The following SLC44A3 variants were observed in gnomAD, a reference collection of about 807,000 sequenced individuals.
SLC44A3 encodes the protein choline transporter-like protein 3.
In SLC44A3, 74 loss-of-function variants were observed where a neutral mutation model predicts 75.4. The ratio of observed to expected loss-of-function variants is 0.98; its 90% CI spans 0.81 to 1.19. The LOEUF is 1.19. SLC44A3 is among the 50% of genes most tolerant of loss of function. The pLI is 0.00. For missense variants in SLC44A3, 700 were observed against 778.6 expected (o/e 0.90, Z 1.20); for synonymous variants, 310 against 296.9 (o/e 1.04, Z -0.45).
intron 12 of SLC44A3, among the ~76,000 whole-genome samples, chr1:94,886,875 T>A (rs1402881368): frequency 6.6e-6 from 1 of 152,096 alleles, no homozygotes; most frequent in East Asian, 1.9e-4. Context: ...AATGCCAACT[T>A]GGGAATCCTT....
At chr1:94,892,164 C>A in intron 13 of SLC44A3, 117 bp from the exon 14 acceptor site, 1 of 933,130 alleles carries the variant, frequency 1.1e-6, no homozygotes, top group Non-Finnish European at 1.7e-6. Context: ...GCATTCTTTA[C>A]AATAGTGCAC....
intron 8 of SLC44A3, among the ~76,000 whole-genome samples, chr1:94,842,647 G>A (rs1217835903): frequency 6.6e-6 from 1 of 152,260 alleles, no homozygotes; most frequent in Non-Finnish European, 1.5e-5. Flanking sequence ...TACTGGTGGT[G>A]GGTGGTTGGC....
At chr1:94,847,093 A>G (rs922762767) in intron 9 of SLC44A3, among the ~76,000 whole-genome samples, 1 of 152,256 alleles carries the variant, frequency 6.6e-6, no homozygotes, top group Middle Eastern at 3.2e-3. Context: ...AGGGAGGAAC[A>G]TTGGTCAAAA....
chr1:94,891,040 ACT>A (rs1670150437), intron 12 of SLC44A3, 88 bp from the exon 13 acceptor site: 5 of 1,136,024 alleles, frequency 4.4e-6, no homozygotes, highest in Non-Finnish European at 6.2e-6. Context: ...GTTTATTGTA[ACT>A]CTAGTTTGCA....
chr1:94,837,621 C>T, intron 5 of SLC44A3, 90 bp from the exon 6 acceptor site: 1 of 1,334,876 alleles, frequency 7.5e-7, no homozygotes, highest in Non-Finnish European at 1.0e-6. Context: ...AGTTCTTAAG[C>T]TTTTTTGGTT....
In SLC44A3 at chr1:94,828,540, A is replaced by G. The variant is rs749192614; in HGVS notation, c.463A>G (p.Ser155Gly). ...TTTGAATTCCTTCAACTATACCCAC[A>G]GTCCAAAAGCAGACTCACTGTGTCC... ...YSLNSFNYTH[S>G]PKADSLCPRL... Residue 155 changes from serine to glycine, a missense_variant, in exon 5 of 15, where the codon AGT (serine) becomes GGT (glycine). Physicochemically the swap from Ser to Gly is moderately conservative, Grantham distance 56. Transcript: ENST00000271227. 1.2e-6 allele frequency: 2 copies of G among 1,613,908 alleles called. No individual in the cohort carries two copies. Among genetic ancestry groups the G allele is most frequent in the Non-Finnish European group, 1.7e-6 (2 of 1,179,886 alleles).
intron 11 of SLC44A3, among the ~76,000 whole-genome samples, 196 bp downstream of exon 11, chr1:94,865,095 T>G (rs562577692): frequency 6.6e-6 from 1 of 152,244 alleles, no homozygotes; most frequent in South Asian, 2.1e-4. Context: ...TGTGTTTTGT[T>G]TATGGTTTTG....
chr1:94,827,454 G>C, intron 3 of SLC44A3, 53 bp from the exon 4 acceptor site: 1 of 1,607,524 alleles, frequency 6.2e-7, no homozygotes, highest in Non-Finnish European at 8.5e-7. Flanking sequence ...CCACAATTAA[G>C]ACCAGTGAGA....
chr1:94,867,179 G>A (rs771156763), intron 11 of SLC44A3, 152 bp from the exon 12 acceptor site: 8 of 471,042 alleles, frequency 1.7e-5, no homozygotes, highest in Admixed American at 4.0e-5. Flanking sequence ...ACCATAATTA[G>A]TAGTAGTAGT....
intron 9 of SLC44A3, among the ~76,000 whole-genome samples, chr1:94,854,669 C>T (rs1665635237): frequency 6.6e-6 from 1 of 152,224 alleles, no homozygotes; most frequent in African/African-American, 2.4e-5. Context: ...CGGCTTTCGC[C>T]CTGAAGCCAG....
At chr1:94,837,509 T>C (rs1662975118) in intron 5 of SLC44A3, among the ~76,000 whole-genome samples, 1 of 152,218 alleles carries the variant, frequency 6.6e-6, no homozygotes, top group African/African-American at 2.4e-5. Context: ...CATAATCAAC[T>C]TCCTATTCAG....
intron 2 of SLC44A3, 42 bp downstream of exon 2, chr1:94,821,098 T>G: frequency 6.7e-7 from 1 of 1,486,306 alleles, no homozygotes; most frequent in Non-Finnish European, 9.2e-7. Flanking sequence ...AGAGTGTGTG[T>G]GCACGTCTGG....
intron 11 of SLC44A3, among the ~76,000 whole-genome samples, chr1:94,866,213 A>T (rs920169997): frequency 6.6e-6 from 1 of 152,194 alleles, no homozygotes; most frequent in Non-Finnish European, 1.5e-5. Context: ...TTGGTAATAG[A>T]TAATCATAAA....
Position 94,840,003 on chromosome 1 carries a change from C to T in SLC44A3, c.726C>T (p.His242=), listed in dbSNP as rs775160274. 8.1e-6 allele frequency: 13 copies of T among 1,614,074 alleles called. No individual in the cohort carries two copies. The highest frequency in any genetic ancestry group is 6.7e-5 in the East Asian group (3 of 44,870). ...GATTCATCACCACCCTTCTGGTTCA[C>T]ATTTTCATTTCATTGGTTATTTTGG... The part of the protein sequence containing the change: ...TFRFITTLLV[H]IFISLVILGL... The change falls in exon 7 of 15, where the codon CAC becomes CAT. Residue 242 remains histidine, a synonymous_variant. Transcript: ENST00000271227.
intron 5 of SLC44A3, among the ~76,000 whole-genome samples, chr1:94,831,400 A>G (rs1662105920): frequency 6.6e-6 from 1 of 152,224 alleles, no homozygotes; most frequent in African/African-American, 2.4e-5. Flanking sequence ...AAACATGAGA[A>G]GGGTGGCTAT....
chr1:94,891,078 T>G, intron 12 of SLC44A3, 52 bp from the exon 13 acceptor site: 1 of 1,531,868 alleles, frequency 6.5e-7, no homozygotes. Flanking sequence ...TATATTGCCT[T>G]AAAAACAATT....
intron 12 of SLC44A3, among the ~76,000 whole-genome samples, chr1:94,881,440 G>C (rs180814416): frequency 0.022 from 3,393 of 152,298 alleles, 46 homozygotes; most frequent in Admixed American, 0.031. Flanking sequence ...CGCGGTGGCT[G>C]ATGCCTGTAA....
chr1:94,857,615 C>G (rs1666047229), intron 10 of SLC44A3, 115 bp downstream of exon 10: 2 of 1,142,552 alleles, frequency 1.8e-6, no homozygotes, highest in African/African-American at 1.6e-5. Flanking sequence ...AAGAAGTTGG[C>G]AAGAATAAAA....
intron 12 of SLC44A3, among the ~76,000 whole-genome samples, chr1:94,877,056 C>T (rs954838141): frequency 2.6e-5 from 4 of 151,992 alleles, no homozygotes; most frequent in African/African-American, 9.6e-5. Flanking sequence ...TCTCTGGTAC[C>T]CCCTCACTCC....
Sources: gnomAD v4.1 joint callset for allele counts (sites outside exome capture counted in the v4.1 genomes callset) on GRCh38, gnomAD v4.1.1 for gene constraint, MANE v1.5 for transcripts, NCBI Gene and HGNC (gene_info 2026-07-23, HGNC 2026-07-21) for gene names.